The following LCT variants were observed in gnomAD, a reference collection of about 807,000 sequenced individuals.
LCT encodes the protein lactase/phlorizin hydrolase.
In LCT, 90 loss-of-function variants were observed where a neutral mutation model predicts 173.0. The observed-to-expected ratio is 0.52, with a 90% CI of 0.44 to 0.62. LCT has a LOEUF of 0.62. LCT is among the 20% of genes least tolerant of loss of function. LCT has a pLI of 0.00. For missense variants in LCT, 1,864 were observed against 2,431.4 expected (o/e 0.77, Z 4.91); for synonymous variants, 853 against 957.6 (o/e 0.89, Z 2.02).
chr2:135,789,883 C>T lies in LCT; in HGVS notation c.5336-85G>A. ...GGCCTTCGGAAGCCAGGTCTGCCTA[C>T]TGCTCTCCCCACCGCCTTCACAGAT... On this transcript the variant is annotated intron_variant, in intron 15 of 16. Coordinates refer to ENST00000264162, the MANE Select transcript of LCT (RefSeq NM_002299.4). 5.9e-6 allele frequency: 6 copies of T among 1,023,712 alleles called. No individual in the cohort carries two copies. The South Asian group carries it at 6.4e-5, about 11-fold the overall frequency. 63.4% of individuals were successfully genotyped at this position (1,023,712 alleles called of 1,614,324 possible). A position where few individuals can be genotyped will look rare whatever the true frequency, so the allele number is the denominator to read the frequency against.
chr2:135,818,125 C>T (rs1382617883), intron 5 of LCT, 64 bp from the exon 6 acceptor site: 2 of 1,579,354 alleles, frequency 1.3e-6, no homozygotes, highest in Non-Finnish European at 8.7e-7. Flanking sequence ...ACAAATGCCC[C>T]CTACGGATGA....
At chr2:135,805,173 C>G (rs1301070953) in intron 9 of LCT, 116 bp from the exon 10 acceptor site, 5 of 1,031,788 alleles carry the variant, frequency 4.8e-6, no homozygotes, top group Non-Finnish European at 7.4e-6. Flanking sequence ...TAACGCTTAG[C>G]TTAAAACAAG....
At chr2:135,832,171 G>A (rs61451678) in intron 2 of LCT, among the ~76,000 whole-genome samples, 41,899 of 151,642 alleles carry the variant, frequency 0.28, 7,224 homozygotes, top group African/African-American at 0.45. Context: ...AGCCGAGATC[G>A]TGCCACTGCA....
chr2:135,798,252 C>A, intron 12 of LCT, 114 bp from the exon 13 acceptor site: 1 of 739,902 alleles, frequency 1.4e-6, no homozygotes, highest in South Asian at 1.4e-5. Context: ...TTCCTGGACC[C>A]CCAGGTTAAG....
intron 4 of LCT, 134 bp from the exon 5 acceptor site, chr2:135,822,232 C>G: frequency 2.9e-6 from 2 of 693,770 alleles, no homozygotes; most frequent in Non-Finnish European, 5.2e-6. Context: ...TTGGAAAATA[C>G]CATGGGCTAA....
chr2:135,817,516 T>C lies in LCT; in HGVS notation c.1532A>G (p.Gln511Arg), dbSNP rs1198740825. The change falls in exon 6 of 17, where the codon CAG (glutamine) becomes CGG (arginine). Residue 511 changes from glutamine to arginine, a missense_variant. Physicochemically the swap from Gln to Arg is conservative, Grantham distance 43. Coordinates refer to ENST00000264162, the MANE Select transcript of LCT (RefSeq NM_002299.4). ...PQALQDHGGW[Q>R]NESVVDAFLD... ...GAAGGCATCCACCACGCTCTCATTC[T>C]GCCATCCACCATGATCCTGCAGGGC... The C allele has an allele frequency of 2.5e-6, 4 of 1,614,102 alleles. No homozygotes were observed. The highest frequency in any genetic ancestry group is 3.4e-6 in the Non-Finnish European group (4 of 1,180,050).
chr2:135,821,165 G>A (rs940919543), intron 5 of LCT, among the ~76,000 whole-genome samples: 1 of 152,180 alleles, frequency 6.6e-6, no homozygotes, highest in Admixed American at 6.5e-5. Flanking sequence ...ACAGGCGTGA[G>A]CCACCGTGCC....
chr2:135,794,831 G>A (rs1653792861), intron 13 of LCT, 56 bp from the exon 14 acceptor site: 3 of 1,608,360 alleles, frequency 1.9e-6, no homozygotes, highest in Non-Finnish European at 2.6e-6. Flanking sequence ...GCTTTGAGAA[G>A]AGAACGTCAT....
chr2:135,817,812 A>G lies in LCT; in HGVS notation c.1236T>C (p.Asp412=), dbSNP rs1188063755. Reference sequence around the variant, plus strand: ...CAGTGGTGTTCAGGGGCCTGCGTGGATCCCAGATGCTCACCCCTCTCCCAC... The same window carrying G: ...CAGTGGTGTTCAGGGGCCTGCGTGGGTCCCAGATGCTCACCCCTCTCCCAC... ...AEGGRGVSIW[D]PRRPLNTTEG... is the part of the protein sequence containing the mutation. The change falls in exon 6 of 17, where the codon GAT becomes GAC. Residue 412 remains aspartate, a synonymous_variant. Coordinates refer to ENST00000264162, the MANE Select transcript of LCT (RefSeq NM_002299.4). 1.2e-6 allele frequency: 2 copies of G among 1,613,956 alleles called. No individual in the cohort carries two copies. Among genetic ancestry groups the G allele is most frequent in the South Asian group, 2.2e-5 (2 of 91,086 alleles).
At chr2:135,824,588 T>TATAG (rs1455239763) in intron 3 of LCT, among the ~76,000 whole-genome samples, 2 of 152,104 alleles carry the variant, frequency 1.3e-5, no homozygotes, top group Non-Finnish European at 2.9e-5. Context: ...AGATAGAAGT[T>TATAG]ATAGGTTAGG....
At chr2:135,830,059 G>T (rs2077922349) in intron 2 of LCT, among the ~76,000 whole-genome samples, 1 of 152,094 alleles carries the variant, frequency 6.6e-6, no homozygotes, top group South Asian at 2.1e-4. Flanking sequence ...CTCACATTTG[G>T]CCAGGATGGG....
At chr2:135,801,293 C>A (rs2077625736) in intron 11 of LCT, among the ~76,000 whole-genome samples, 1 of 152,120 alleles carries the variant, frequency 6.6e-6, no homozygotes, top group African/African-American at 2.4e-5. Context: ...ACATTGCAGC[C>A]CAGCTCTGTT....
chr2:135,792,388 T>C (rs1258191752), intron 14 of LCT, among the ~76,000 whole-genome samples: 2 of 152,194 alleles, frequency 1.3e-5, no homozygotes, highest in Non-Finnish European at 2.9e-5. Context: ...TGAATTTTCC[T>C]GAGCAGAATC....
At chr2:135,796,534 C>T (rs914649470) in intron 13 of LCT, among the ~76,000 whole-genome samples, 2 of 152,334 alleles carry the variant, frequency 1.3e-5, no homozygotes, top group African/African-American at 2.4e-5. Context: ...AACTCTGCCC[C>T]GTGGAAAGAA....
intron 13 of LCT, among the ~76,000 whole-genome samples, chr2:135,796,170 C>T (rs553907027): frequency 6.6e-6 from 1 of 152,360 alleles, no homozygotes; most frequent in South Asian, 2.1e-4. Flanking sequence ...TGAATGCATG[C>T]GCATGCCCAC....
In LCT at chr2:135,833,121, G is replaced by A. The variant is rs778695432; in HGVS notation, c.710C>T (p.Ala237Val). 5.6e-6 allele frequency: 9 copies of A among 1,613,122 alleles called. No homozygotes were observed. The highest frequency in any genetic ancestry group is 3.3e-5 in the Admixed American group (2 of 60,006). The change falls in exon 2 of 17, where the codon GCG (alanine) becomes GTG (valine). Residue 237 changes from alanine to valine, a missense_variant. Physicochemically the swap from Ala to Val is moderately conservative, Grantham distance 64 (BLOSUM62 0). Transcript: ENST00000264162. ...TTGGGCTGCTGTCACCTGGGCAAGC[G>A]CAGATATGGGTGGTTCTAGCAGGAG... is the stretch of plus-strand genomic sequence containing the variant. ...PELLLEPPIS[A>V]LAQDTVDFLS...
chr2:135,793,724 AC>A (rs1402433292), intron 14 of LCT, among the ~76,000 whole-genome samples: 1 of 152,184 alleles, frequency 6.6e-6, no homozygotes, highest in African/African-American at 2.4e-5. Context: ...AATTTAAAAA[AC>A]AATACAGGAT....
intron 14 of LCT, among the ~76,000 whole-genome samples, chr2:135,793,971 CA>C (rs34100426): frequency 0.71 from 87,561 of 124,178 alleles, 30,570 homozygotes; most frequent in Non-Finnish European, 0.8. Context: ...TGCTAAAATA[CA>C]AAAAAAAAAA....
Position 135,790,096 on chromosome 2 carries a change from C to A in LCT, c.5336-298G>T, listed in dbSNP as rs2105516655. On this transcript the variant is annotated intron_variant, in intron 15 of 16. Coordinates refer to ENST00000264162, the MANE Select transcript of LCT (RefSeq NM_002299.4). This position sits in a 1 kb window ranked among gnomAD's most constrained non-coding sequence, Gnocchi z 4.1. ...GGTCACCTACACTTCTATCCATGAT[C>A]TTGGTCAGTGCCTTAGAATGTTAAT... Among the ~76,000 whole-genome samples, 1 of 152,352 alleles carries A rather than the reference C, an allele frequency of 6.6e-6. No individual in the cohort carries two copies. Among genetic ancestry groups the A allele is most frequent in the East Asian group, 1.9e-4 (1 of 5,192 alleles).
Sources: gnomAD v4.1 joint callset for allele counts (sites outside exome capture counted in the v4.1 genomes callset) on GRCh38, gnomAD v4.1.1 for gene constraint, Gnocchi (gnomAD v3.1) non-coding constraint, MANE v1.5 for transcripts, NCBI Gene and HGNC (gene_info 2026-07-23, HGNC 2026-07-21) for gene names.